Variants in SPNS2 observed in about 807,000 individuals in gnomAD.
SPNS2 encodes the protein sphingosine-1-phosphate transporter SPNS2.
In SPNS2, 37 loss-of-function variants were observed where a neutral mutation model predicts 57.6. That is an observed-to-expected ratio of 0.64 (90% CI 0.49 to 0.85). The LOEUF is 0.85. Among genes scored for constraint, SPNS2 ranks in the 40% least tolerant of loss-of-function variants. The pLI is 0.00. For missense variants in SPNS2, 831 were observed against 779.1 expected (o/e 1.07, Z -0.79); for synonymous variants, 440 against 346.9 (o/e 1.27, Z -2.98).
Position 4,511,697 on chromosome 17 carries a change from C to T in SPNS2, c.371-1550C>T, listed in dbSNP as rs976608744. On this transcript the variant is annotated intron_variant, in intron 1 of 12. Transcript: ENST00000329078. The surrounding 1 kb of genome is among the most constrained non-coding windows in gnomAD (Gnocchi z 4.6). ...TTATTAAGTCATTAACTGGGCCTCA[C>T]ACAGCCTCTTCATTACGGGTAATTA... 1.3e-5 allele frequency among the ~76,000 whole-genome samples: 2 copies of T among 152,222 alleles called. No individual in the cohort carries two copies. The highest frequency in any genetic ancestry group is 4.8e-5 in the African/African-American group (2 of 41,452).
In SPNS2 at chr17:4,537,546, G is replaced by A. The variant is rs1027318583; in HGVS notation, c.*98G>A. On this transcript the variant is annotated 3_prime_UTR_variant, in exon 13 of 13. Coordinates refer to ENST00000329078, the MANE Select transcript of SPNS2 (RefSeq NM_001124758.3). ...CGGCTGGGCTGCCCCAAAGCTTTCTGTGTGATCCACGGCTAGGCACCCACC... is the reference window on the plus strand; with the variant it reads ...CGGCTGGGCTGCCCCAAAGCTTTCTATGTGATCCACGGCTAGGCACCCACC... The A allele has an allele frequency of 1.1e-4, 52 of 456,674 alleles. No individual in the cohort carries two copies. The highest frequency in any genetic ancestry group is 3.2e-4 in the Middle Eastern group (1 of 3,098). The allele number at this position is 456,674 out of a possible 1,614,324, so 28.3% of individuals were successfully genotyped here.
Position 4,510,666 on chromosome 17 carries a change from GCCT to G in SPNS2, c.371-2574_371-2572del, listed in dbSNP as rs1403866175. Among the ~76,000 whole-genome samples the G allele has an allele frequency of 2.0e-5, 3 of 152,156 alleles. No homozygotes were observed. Among genetic ancestry groups the G allele is most frequent in the African/African-American group, 7.2e-5 (3 of 41,438 alleles). On this transcript the variant is annotated intron_variant, in intron 1 of 12. Transcript: ENST00000329078. The surrounding 1 kb of genome is among the most constrained non-coding windows in gnomAD (Gnocchi z 4.4). Reference sequence around the variant, plus strand: ...CTGGACTATGGATGGGGACCCTCCTGCCTCCTCCTGACTCCGCCCATCCTCTTG... The same window carrying G: ...CTGGACTATGGATGGGGACCCTCCTGCCTCCTGACTCCGCCCATCCTCTTG...
chr17:4,537,005 A>C (rs1280033244), intron 12 of SPNS2, 59 bp downstream of exon 12: 2 of 1,583,374 alleles, frequency 1.3e-6, no homozygotes. Context: ...GGCCAGGGTT[A>C]GGCAACAGGG....
At chr17:4,515,286 T>C (rs1362327356) in intron 2 of SPNS2, among the ~76,000 whole-genome samples, 1 of 152,220 alleles carries the variant, frequency 6.6e-6, no homozygotes. Context: ...CTACGGGCTC[T>C]GTTTGTCAGC....
Position 4,538,815 on chromosome 17 carries a change from C to T in SPNS2, c.*1367C>T, listed in dbSNP as rs1486050950. 5 of 768,866 alleles carry T rather than the reference C, an allele frequency of 6.5e-6. No homozygotes were observed. In the Admixed American group the frequency reaches 8.9e-5, roughly 14 times the overall value. The allele number at this position is 768,866 out of a possible 1,614,324, so 47.6% of individuals were successfully genotyped here. On this transcript the variant is annotated 3_prime_UTR_variant, in exon 13 of 13. Transcript: ENST00000329078. ...TGACAAGAGGATGGGGTGGGGGTGG[C>T]ATCCTCCAAAGACCAGCCTCCACCC...
At chr17:4,533,763 G>A (rs777825071) in intron 8 of SPNS2, 25 bp from the exon 9 acceptor site, 1 of 1,613,356 alleles carries the variant, frequency 6.2e-7, no homozygotes, top group South Asian at 1.1e-5. Context: ...GACCGCTGAT[G>A]GTGGCTTTGC....
At chr17:4,527,182 G>T (rs981824751) in intron 3 of SPNS2, among the ~76,000 whole-genome samples, 8 of 152,242 alleles carry the variant, frequency 5.3e-5, no homozygotes, top group African/African-American at 1.9e-4. Flanking sequence ...GGGGTTTCTG[G>T]TAGACTTTGG....
intron 2 of SPNS2, among the ~76,000 whole-genome samples, chr17:4,524,486 A>C (rs1206918878): frequency 6.6e-6 from 1 of 152,214 alleles, no homozygotes; most frequent in Non-Finnish European, 1.5e-5. Context: ...GGAGTTCAAG[A>C]CTAGCCTGGC....
intron 5 of SPNS2, 113 bp downstream of exon 5, chr17:4,531,232 C>T: frequency 4.3e-6 from 4 of 927,680 alleles, no homozygotes; most frequent in Non-Finnish European, 6.8e-6. Context: ...CCTCCCCTGG[C>T]TGCGTGGACT....
intron 12 of SPNS2, 67 bp downstream of exon 12, chr17:4,537,013 G>GGGA: frequency 6.4e-7 from 1 of 1,563,190 alleles, no homozygotes; most frequent in South Asian, 1.1e-5. Context: ...TTAGGCAACA[G>GGGA]GGAGCACTTT....
intron 6 of SPNS2, 50 bp from the exon 7 acceptor site, chr17:4,532,927 G>A (rs747222898): frequency 1.3e-5 from 21 of 1,579,604 alleles, no homozygotes; most frequent in Admixed American, 3.5e-5. Flanking sequence ...GCTGCCTAGG[G>A]GGGTGAAGGA....
intron 3 of SPNS2, among the ~76,000 whole-genome samples, chr17:4,527,484 C>A (rs1905288681): frequency 6.6e-6 from 1 of 152,168 alleles, no homozygotes; most frequent in Non-Finnish European, 1.5e-5. Context: ...AGAATAAAGT[C>A]CCGATAGGGG....
chr17:4,518,579 T>A (rs1905057586), intron 2 of SPNS2, among the ~76,000 whole-genome samples: 1 of 152,192 alleles, frequency 6.6e-6, no homozygotes, highest in Non-Finnish European at 1.5e-5. Context: ...ATATTCATTC[T>A]GGGACCAAGT....
chr17:4,534,003 A>G lies in SPNS2; in HGVS notation c.1344+150A>G, dbSNP rs1905632535. ...TGAACCCAGAGGCAGGGAGGGGATC[A>G]GAGAGTTTGGGGTCTGCCTCTGGCC... On this transcript the variant is annotated intron_variant, in intron 9 of 12. Transcript: ENST00000329078. The G allele has an allele frequency of 1.0e-5, 8 of 788,658 alleles. No individual in the cohort carries two copies. In the South Asian group the frequency reaches 1.1e-4, roughly 11 times the overall value. The allele number at this position is 788,658 out of a possible 1,614,324, so 48.9% of individuals were successfully genotyped here. A position where few individuals can be genotyped will look rare whatever the true frequency, so the allele number is the denominator to read the frequency against.
At chr17:4,508,807 G>T (rs1904751491) in intron 1 of SPNS2, among the ~76,000 whole-genome samples, 2 of 152,234 alleles carry the variant, frequency 1.3e-5, no homozygotes, top group African/African-American at 2.4e-5. Flanking sequence ...TGGGCCAGTG[G>T]ATCTTAAAGG....
In SPNS2 at chr17:4,536,051, G is replaced by A. The variant is rs201279531; in HGVS notation, c.1345-25G>A. 631 of 1,600,602 alleles carry A rather than the reference G, an allele frequency of 3.9e-4. 4 individuals are homozygous for A. In the African/African-American group the frequency reaches 6.3e-3, roughly 16 times the overall value. On this transcript the variant is annotated intron_variant, in intron 9 of 12. Coordinates refer to ENST00000329078, the MANE Select transcript of SPNS2 (RefSeq NM_001124758.3). Reference sequence around the variant, plus strand: ...GCGCGTGAGCCTTTCTCCTCTGGCCGCTGACCTGCCCGCCTGTTCCGCAGT... The same window carrying A: ...GCGCGTGAGCCTTTCTCCTCTGGCCACTGACCTGCCCGCCTGTTCCGCAGT...
chr17:4,507,070 C>T (rs1328408604), intron 1 of SPNS2, among the ~76,000 whole-genome samples: 3 of 152,218 alleles, frequency 2.0e-5, no homozygotes, highest in African/African-American at 7.2e-5. Context: ...AGTCCCTAGG[C>T]TGGTGGGGTG....
At chr17:4,533,454 G>C (rs757250446) in intron 8 of SPNS2, 22 bp downstream of exon 8, 1 of 1,569,860 alleles carries the variant, frequency 6.4e-7, no homozygotes, top group Non-Finnish European at 8.6e-7. Flanking sequence ...GGGGGTCAAG[G>C]GTGCTGGGGG....
intron 1 of SPNS2, among the ~76,000 whole-genome samples, chr17:4,508,086 T>C (rs982377225): frequency 1.3e-5 from 2 of 152,112 alleles, no homozygotes; most frequent in Non-Finnish European, 1.5e-5. Flanking sequence ...CCAGAGTCCA[T>C]CCAGTTCTGG....
Sources: allele counts gnomAD v4.1 joint callset (sites outside exome capture counted in the v4.1 genomes callset), GRCh38; gene constraint gnomAD v4.1.1; non-coding constraint Gnocchi (gnomAD v3.1); transcripts MANE v1.5; gene names NCBI Gene and HGNC (gene_info 2026-07-23, HGNC 2026-07-21).